CFAP299: variants seen among roughly 807,000 people sequenced by gnomAD.
CFAP299 encodes the protein cilia- and flagella-associated protein 299.
In CFAP299, 21 loss-of-function variants were observed where a neutral mutation model predicts 27.0. That is an observed-to-expected ratio of 0.78 (90% CI 0.55 to 1.12). The LOEUF is 1.12. Among genes scored for constraint, CFAP299 ranks in the 50% most tolerant of loss-of-function variants. The probability of loss-of-function intolerance (pLI) is 0.00; values close to 1 mark genes in which losing one functional copy is unlikely to be tolerated. For missense variants in CFAP299, 310 were observed against 276.6 expected, an observed-to-expected ratio of 1.12 and a Z score of -0.86; for synonymous variants, 104 against 98.1, an observed-to-expected ratio of 1.06 and a Z score of -0.36.
At chr4:80,564,436 T>A (rs573051452) in intron 2 of CFAP299, among the ~76,000 whole-genome samples, 1 of 152,100 alleles carries the variant, frequency 6.6e-6, no homozygotes, top group Non-Finnish European at 1.5e-5. Context: ...AACCATATAA[T>A]CATTTCAATT....
At chr4:80,673,748 T>G (rs559873601) in intron 3 of CFAP299, among the ~76,000 whole-genome samples, 6 of 152,302 alleles carry the variant, frequency 3.9e-5, no homozygotes, top group Middle Eastern at 3.4e-3. Context: ...CTTGTTGAAT[T>G]GATCCCTTTA....
At chr4:80,592,900 G>A (rs565564929) in intron 3 of CFAP299, among the ~76,000 whole-genome samples, 4 of 152,242 alleles carry the variant, frequency 2.6e-5, no homozygotes, top group Admixed American at 6.5e-5. Context: ...GATCAGAAAC[G>A]GAAATTTAGC....
chr4:80,591,114 T>TA (rs1560642960), intron 3 of CFAP299, among the ~76,000 whole-genome samples: 12 of 110,334 alleles, frequency 1.1e-4, no homozygotes, highest in East Asian at 7.7e-4. Flanking sequence ...AATTTTTTTT[T>TA]TTTTTTTTTT....
intron 3 of CFAP299, among the ~76,000 whole-genome samples, chr4:80,816,399 A>G (rs1729423070): frequency 6.6e-6 from 1 of 152,162 alleles, no homozygotes; most frequent in African/African-American, 2.4e-5. Context: ...AATATAGAAA[A>G]TGATATAGTG....
At chr4:80,428,481 A>G (rs1727633383) in intron 2 of CFAP299, among the ~76,000 whole-genome samples, 1 of 152,170 alleles carries the variant, frequency 6.6e-6, no homozygotes, top group South Asian at 2.1e-4. Flanking sequence ...TCGTGAGAAA[A>G]ATGAACTAAC....
intron 3 of CFAP299, among the ~76,000 whole-genome samples, chr4:80,600,439 G>A (rs969614668): frequency 7.9e-5 from 12 of 152,054 alleles, no homozygotes; most frequent in African/African-American, 2.9e-4. Context: ...CATTTAACCA[G>A]CTTCTGTTTA....
intron 3 of CFAP299, among the ~76,000 whole-genome samples, chr4:80,625,858 C>T (rs1352750618): frequency 6.6e-6 from 1 of 151,792 alleles, no homozygotes; most frequent in Non-Finnish European, 1.5e-5. Context: ...TATATACGTA[C>T]CCAATATCCA....
At chr4:80,689,126 T>C (rs1300977712) in intron 3 of CFAP299, among the ~76,000 whole-genome samples, 2 of 152,102 alleles carry the variant, frequency 1.3e-5, no homozygotes, top group African/African-American at 4.8e-5. Context: ...CTGCAGGATA[T>C]TATCCAGGAG....
chr4:80,346,443 A>G (rs2109977186), intron 1 of CFAP299, among the ~76,000 whole-genome samples: 1 of 152,266 alleles, frequency 6.6e-6, no homozygotes, highest in African/African-American at 2.4e-5. Context: ...TTTTGAATTA[A>G]TTTTTGTATA....
At chr4:80,441,907 C>G (rs78830870) in intron 2 of CFAP299, among the ~76,000 whole-genome samples, 1 of 152,114 alleles carries the variant, frequency 6.6e-6, no homozygotes, top group East Asian at 1.9e-4. Flanking sequence ...AGTTGCAATC[C>G]TACTGTCTGA....
At position 80,666,205 on chromosome 4, in the gene CFAP299, C is replaced by T. The variant is rs890591241; in HGVS notation, c.333+83022C>T. Among the ~76,000 whole-genome samples the T allele has an allele frequency of 1.2e-4, 18 of 152,242 alleles. 1 individual carries two copies. Among genetic ancestry groups the T allele is most frequent in the East Asian group, 7.7e-4 (4 of 5,170 alleles). On this transcript the variant is annotated intron_variant, in intron 3 of 5. Coordinates refer to ENST00000358105, the MANE Select transcript of CFAP299 (RefSeq NM_152770.3). ...TTCAAACTCTCCCTCCTACCTTAGGCGTACTACTTCTCCATAGAAGCTTTC... is the reference window on the plus strand; with the variant it reads ...TTCAAACTCTCCCTCCTACCTTAGGTGTACTACTTCTCCATAGAAGCTTTC...
chr4:80,352,719 T>G (rs562653674), intron 1 of CFAP299, among the ~76,000 whole-genome samples: 1 of 55,886 alleles, frequency 1.8e-5, no homozygotes, highest in South Asian at 6.3e-4. Flanking sequence ...AAAAGTATAT[T>G]CTGTGATCAT....
At chr4:80,563,403 A>G (rs1438265960) in intron 2 of CFAP299, among the ~76,000 whole-genome samples, 1 of 152,168 alleles carries the variant, frequency 6.6e-6, no homozygotes, top group Non-Finnish European at 1.5e-5. Flanking sequence ...AATTTTGGAA[A>G]CTATACAAAT....
intron 2 of CFAP299, among the ~76,000 whole-genome samples, chr4:80,530,267 G>A (rs769632565): frequency 6.6e-6 from 1 of 152,014 alleles, no homozygotes; most frequent in Non-Finnish European, 1.5e-5. Flanking sequence ...ATCGTGTTAT[G>A]CTGATATTTG....
At chr4:80,430,155 C>T (rs375335505) in intron 2 of CFAP299, among the ~76,000 whole-genome samples, 2 of 152,040 alleles carry the variant, frequency 1.3e-5, no homozygotes, top group South Asian at 2.1e-4. Flanking sequence ...ATATTTTTTA[C>T]TAAACATGAA....
chr4:80,350,448 G>C (rs1179554867), intron 1 of CFAP299, among the ~76,000 whole-genome samples: 1 of 152,070 alleles, frequency 6.6e-6, no homozygotes, highest in African/African-American at 2.4e-5. Context: ...ATACCCAAAG[G>C]ATTATAAATC....
At chr4:80,880,513 C>T (rs1407983438) in intron 4 of CFAP299, among the ~76,000 whole-genome samples, 2 of 152,066 alleles carry the variant, frequency 1.3e-5, no homozygotes, top group African/African-American at 4.8e-5. Flanking sequence ...GAGCAGATCA[C>T]AAGGTCAGGA....
chr4:80,584,244 A>G (rs1736319725), intron 3 of CFAP299, among the ~76,000 whole-genome samples: 1 of 152,038 alleles, frequency 6.6e-6, no homozygotes, highest in South Asian at 2.1e-4. Context: ...TTTTCTCAGA[A>G]ATGTCAATGG....
chr4:80,728,124 G>T lies in CFAP299; in HGVS notation c.334-141869G>T, dbSNP rs1385955031. Among the ~76,000 whole-genome samples, 91 of 151,376 alleles carry T rather than the reference G, an allele frequency of 6.0e-4. 1 individual carries two copies. ...TTTCCAACTGGGTTGGAAAAGAAATGATCCTCAGTATTTCCATTGTCAAAG... is the reference window on the plus strand; with the variant it reads ...TTTCCAACTGGGTTGGAAAAGAAATTATCCTCAGTATTTCCATTGTCAAAG... On this transcript the variant is annotated intron_variant, in intron 3 of 5. Transcript: ENST00000358105.
Sources: gnomAD v4.1 joint callset for allele counts (sites outside exome capture counted in the v4.1 genomes callset) on GRCh38, gnomAD v4.1.1 for gene constraint, MANE v1.5 for transcripts, NCBI Gene and HGNC (gene_info 2026-07-23, HGNC 2026-07-21) for gene names.